PCDH15: variants seen among roughly 807,000 people sequenced by gnomAD.
PCDH15 encodes protocadherin-15.
Under a neutral mutation model 178.5 loss-of-function variants are expected in PCDH15, and 129 were observed. That is an observed-to-expected ratio of 0.72 (90% CI 0.63 to 0.84). The LOEUF (loss-of-function observed/expected upper bound fraction) is 0.84, where lower values mean the gene tolerates loss of function less well. Among genes scored for constraint, PCDH15 ranks in the 40% least tolerant of loss-of-function variants. PCDH15 has a pLI of 0.00. For synonymous variants in PCDH15, 800 were observed against 732.0 expected (o/e 1.09, Z -1.50); for missense variants, 2,230 against 2,099.9 (o/e 1.06, Z -1.21).
intron 21 of PCDH15, among the ~76,000 whole-genome samples, chr10:53,970,425 C>A (rs1196754878): frequency 6.6e-6 from 1 of 151,654 alleles, no homozygotes; most frequent in African/African-American, 2.4e-5. Flanking sequence ...ACTTTAACAC[C>A]TTCAGGTCTT....
intron 23 of PCDH15, among the ~76,000 whole-genome samples, chr10:53,952,982 G>A (rs1294326542): frequency 6.6e-6 from 1 of 152,342 alleles, no homozygotes; most frequent in South Asian, 2.1e-4. Flanking sequence ...GCAGCAGGAG[G>A]GGGGCCCAGG....
intron 3 of PCDH15, among the ~76,000 whole-genome samples, chr10:54,417,906 A>G (rs1445136406): frequency 6.6e-6 from 1 of 152,088 alleles, no homozygotes; most frequent in Non-Finnish European, 1.5e-5. Context: ...CTATTTGTTT[A>G]TTTATTTCAT....
At chr10:54,777,754 A>G (rs1949859994) in intron 1 of PCDH15, among the ~76,000 whole-genome samples, 1 of 152,160 alleles carries the variant, frequency 6.6e-6, no homozygotes, top group Admixed American at 6.5e-5. Context: ...TATTTGAAGA[A>G]TAATTGAAAA....
At chr10:55,287,599 T>C (rs1277497418) in intron 1 of PCDH15, among the ~76,000 whole-genome samples, 1 of 152,034 alleles carries the variant, frequency 6.6e-6, no homozygotes, top group Non-Finnish European at 1.5e-5. Context: ...TTGAGCACTA[T>C]GCTAGATGCT....
intron 9 of PCDH15, among the ~76,000 whole-genome samples, chr10:54,222,237 G>A (rs1316742648): frequency 1.3e-5 from 2 of 152,164 alleles, no homozygotes; most frequent in South Asian, 2.1e-4. Context: ...TTTTGGGCAG[G>A]GAACAAGTCT....
intron 2 of PCDH15, among the ~76,000 whole-genome samples, chr10:55,461,320 A>G (rs1004057497): frequency 2.0e-5 from 3 of 152,198 alleles, no homozygotes; most frequent in African/African-American, 4.8e-5. Context: ...GCAGTAACCT[A>G]TTTCAGGCAG....
chr10:54,764,124 G>A (rs2133181522), intron 1 of PCDH15, among the ~76,000 whole-genome samples: 1 of 151,966 alleles, frequency 6.6e-6, no homozygotes, highest in Middle Eastern at 3.4e-3. Context: ...TTTTTCAGTG[G>A]TCTCTAAATG....
At chr10:54,779,512 GTGTA>G (rs1368476505) in intron 1 of PCDH15, among the ~76,000 whole-genome samples, 3 of 138,928 alleles carry the variant, frequency 2.2e-5, no homozygotes, top group Admixed American at 7.2e-5. Context: ...ACATATATGT[GTGTA>G]TATATATATA....
intron 2 of PCDH15, among the ~76,000 whole-genome samples, chr10:54,648,891 A>G (rs911388408): frequency 6.6e-6 from 1 of 152,262 alleles, no homozygotes; most frequent in East Asian, 1.9e-4. Flanking sequence ...CTTTGATACA[A>G]CCACATAAAA....
intron 2 of PCDH15, among the ~76,000 whole-genome samples, chr10:55,547,429 C>T (rs1282020922): frequency 6.6e-6 from 1 of 151,996 alleles, no homozygotes; most frequent in Non-Finnish European, 1.5e-5. Flanking sequence ...CTGAGTAAGG[C>T]AGGATGAGAC....
At chr10:53,864,632 C>T (rs1300993608) in intron 27 of PCDH15, among the ~76,000 whole-genome samples, 1 of 151,948 alleles carries the variant, frequency 6.6e-6, no homozygotes, top group African/African-American at 2.4e-5. Flanking sequence ...ACTTTGTAAC[C>T]AGGCCCTTGA....
At chr10:54,367,908 A>C (rs951869240) in intron 5 of PCDH15, among the ~76,000 whole-genome samples, 2 of 151,808 alleles carry the variant, frequency 1.3e-5, no homozygotes, top group Admixed American at 1.3e-4. Context: ...TACCAAAAAT[A>C]AAGTTAGCAC....
At chr10:55,395,168 C>CATGT (rs1837889412) in intron 2 of PCDH15, among the ~76,000 whole-genome samples, 2 of 127,992 alleles carry the variant, frequency 1.6e-5, no homozygotes, top group Middle Eastern at 3.9e-3. Context: ...TATTTAACTG[C>CATGT]GTGTGTGTGT....
intron 2 of PCDH15, among the ~76,000 whole-genome samples, chr10:55,146,777 T>A (rs1564837119): frequency 1.3e-5 from 2 of 151,880 alleles, no homozygotes; most frequent in Admixed American, 6.6e-5. Context: ...GTATAAATAT[T>A]TTAAGCAATT....
chr10:53,981,517 T>G (rs1334177309), intron 21 of PCDH15, among the ~76,000 whole-genome samples: 1 of 151,986 alleles, frequency 6.6e-6, no homozygotes, highest in Admixed American at 6.6e-5. Context: ...TAACGCCACA[T>G]ATCTACAACT....
chr10:54,138,176 T>C (rs1218702368), intron 14 of PCDH15, among the ~76,000 whole-genome samples: 2 of 152,116 alleles, frequency 1.3e-5, no homozygotes, highest in African/African-American at 4.8e-5. Context: ...GTGGGAAGCA[T>C]CCTGTGTTAG....
intron 4 of PCDH15, among the ~76,000 whole-genome samples, chr10:54,372,585 T>A (rs576977457): frequency 6.6e-6 from 1 of 151,896 alleles, no homozygotes; most frequent in East Asian, 1.9e-4. Context: ...AGTCCATTAG[T>A]GAGAGTTTAG....
chr10:54,780,919 C>T (rs1950296574), intron 1 of PCDH15, among the ~76,000 whole-genome samples: 1 of 151,838 alleles, frequency 6.6e-6, no homozygotes, highest in African/African-American at 2.4e-5. Context: ...ATGTAAAGCT[C>T]CTTAGAAAAA....
Position 53,903,272 on chromosome 10 carries a change from T to C in PCDH15, c.3472A>G (p.Arg1158Gly), listed in dbSNP as rs1376090080. The change falls in exon 26 of 38, where the codon AGA becomes GGA. Residue 1158 changes from arginine (R) to glycine (G), a missense_variant. Transcript: ENST00000644397. ...ACTCTGAGTACAGAAGTAAACATTC[T>C]TGCATCTTCAGATACACCTCCGATG... The part of the protein sequence containing the change: ...FYIGGVSEDA[R>G]MFTSVLRVKA... 6.2e-7 allele frequency: 1 copy of C among 1,613,082 alleles called. No homozygotes were observed. Among genetic ancestry groups the C allele is most frequent in the Admixed American group, 1.7e-5 (1 of 59,986 alleles).
Sources: allele counts gnomAD v4.1 joint callset (sites outside exome capture counted in the v4.1 genomes callset), GRCh38; gene constraint gnomAD v4.1.1; transcripts MANE v1.5; gene names NCBI Gene and HGNC (gene_info 2026-07-23, HGNC 2026-07-21).